The following RPS6KC1 variants were observed in gnomAD, a reference collection of about 807,000 sequenced individuals.
The protein encoded by RPS6KC1 is ribosomal protein S6 kinase C1, also known as inactive ribosomal protein S6 kinase delta-1.
RPS6KC1 carries 54 observed loss-of-function variants against 103.8 expected under a neutral mutation model. That is an observed-to-expected ratio of 0.52 (90% CI 0.42 to 0.65). RPS6KC1 has a LOEUF of 0.65. Among genes scored for constraint, RPS6KC1 ranks in the 30% least tolerant of loss-of-function variants. The pLI, the probability that RPS6KC1 is intolerant of heterozygous loss-of-function variation, is 0.00. For synonymous variants in RPS6KC1, 439 were observed against 438.7 expected, an observed-to-expected ratio of 1.00 and a Z score of -0.01; for missense variants, 1,151 against 1,253.8, an observed-to-expected ratio of 0.92 and a Z score of 1.24.
chr1:213,140,516 T>C (rs1430647680), intron 6 of RPS6KC1, among the ~76,000 whole-genome samples: 1 of 152,118 alleles, frequency 6.6e-6, no homozygotes, highest in African/African-American at 2.4e-5. Flanking sequence ...GCACCTTCGA[T>C]GAGTAGTTCA....
At chr1:213,368,640 G>A in the RPS6KC1 span, among the ~76,000 whole-genome samples, 1 of 152,168 alleles carries the variant, frequency 6.6e-6, no homozygotes, top group Non-Finnish European at 1.5e-5. Flanking sequence ...AAAGCAAACC[G>A]TAAGTTGACT....
At chr1:213,185,207 G>A (rs1459638523) in intron 8 of RPS6KC1, among the ~76,000 whole-genome samples, 1 of 152,116 alleles carries the variant, frequency 6.6e-6, no homozygotes, top group Non-Finnish European at 1.5e-5. Context: ...AGCTACTCCT[G>A]TGCTTTTTTG....
the RPS6KC1 span, among the ~76,000 whole-genome samples, chr1:213,766,360 C>T: frequency 3.3e-5 from 5 of 152,158 alleles, no homozygotes; most frequent in Non-Finnish European, 5.9e-5. Context: ...TGAAATTAAT[C>T]AGTAACTCTG....
At chr1:213,202,732 C>T (rs1356917794) in intron 8 of RPS6KC1, among the ~76,000 whole-genome samples, 1 of 152,172 alleles carries the variant, frequency 6.6e-6, no homozygotes, top group Non-Finnish European at 1.5e-5. Flanking sequence ...CTTATTTTAT[C>T]CTTACTAGAC....
At chr1:213,231,097 A>G (rs921527339) in intron 9 of RPS6KC1, among the ~76,000 whole-genome samples, 1 of 152,122 alleles carries the variant, frequency 6.6e-6, no homozygotes, top group Non-Finnish European at 1.5e-5. Flanking sequence ...GATACAGAGT[A>G]TGGAGGAAAT....
chr1:213,144,432 C>A (rs1034940975), intron 6 of RPS6KC1, among the ~76,000 whole-genome samples: 1 of 151,860 alleles, frequency 6.6e-6, no homozygotes, highest in Non-Finnish European at 1.5e-5. Context: ...TGAAAAAATT[C>A]ATAGAAATGG....
At chr1:213,267,459 T>C (rs1302493781) in intron 14 of RPS6KC1, among the ~76,000 whole-genome samples, 1 of 151,990 alleles carries the variant, frequency 6.6e-6, no homozygotes, top group African/African-American at 2.4e-5. Flanking sequence ...CTAGAGTTGC[T>C]AAAATATACT....
chr1:213,469,414 C>T, the RPS6KC1 span, among the ~76,000 whole-genome samples: 1 of 152,120 alleles, frequency 6.6e-6, no homozygotes, highest in Non-Finnish European at 1.5e-5. Context: ...ATATGCCTAT[C>T]CATCCTTTTC....
the RPS6KC1 span, among the ~76,000 whole-genome samples, chr1:213,633,133 A>T: frequency 0.14 from 21,376 of 152,180 alleles, 2,358 homozygotes; most frequent in African/African-American, 0.31. Flanking sequence ...TTGAGGATAT[A>T]ATCCAGAAGA....
At position 213,166,016 on chromosome 1, in the gene RPS6KC1, A is replaced by G. The variant is rs145238583; in HGVS notation, c.836-1842A>G. On this transcript the variant is annotated intron_variant, in intron 6 of 14. Transcript: ENST00000366960. ...GGAGACTGCCTAGAAAGTGGCAGAA[A>G]AACCAAAAGTTTAAAAAATAGTAAT... Among the ~76,000 whole-genome samples the G allele has an allele frequency of 1.4e-4, 22 of 152,356 alleles. No homozygotes were observed. In the East Asian group the frequency reaches 4.2e-3, roughly 29 times the overall value.
intron 10 of RPS6KC1, among the ~76,000 whole-genome samples, chr1:213,240,159 A>G (rs748253232): frequency 1.3e-5 from 2 of 152,166 alleles, no homozygotes; most frequent in Admixed American, 6.5e-5. Flanking sequence ...GGGAAATATT[A>G]ATATGTCATT....
chr1:213,270,087 G>C (rs7354948), intron 14 of RPS6KC1, among the ~76,000 whole-genome samples: 147,360 of 152,170 alleles, frequency 0.97, 71,463 homozygotes, highest in Non-Finnish European at 1. Context: ...AGGCAAAGGA[G>C]CTATAATGTC....
At chr1:213,528,488 G>A in the RPS6KC1 span, among the ~76,000 whole-genome samples, 3 of 152,118 alleles carry the variant, frequency 2.0e-5, no homozygotes, top group African/African-American at 4.8e-5. Context: ...TATCAGCTGT[G>A]TTGTTCAAAG....
At chr1:213,856,930 T>A in the RPS6KC1 span, among the ~76,000 whole-genome samples, 17 of 152,220 alleles carry the variant, frequency 1.1e-4, no homozygotes, top group African/African-American at 4.1e-4. Context: ...CAACATAAGC[T>A]AGCTCATGAA....
At chr1:213,221,608 G>A (rs928119967) in intron 8 of RPS6KC1, among the ~76,000 whole-genome samples, 2 of 152,136 alleles carry the variant, frequency 1.3e-5, no homozygotes, top group African/African-American at 2.4e-5. Context: ...TTAAAAATTA[G>A]CATACTAAAA....
chr1:213,507,549 A>ATTTT, the RPS6KC1 span, among the ~76,000 whole-genome samples: 494 of 142,798 alleles, frequency 3.5e-3, 1 homozygote, highest in African/African-American at 0.012. Context: ...CAACCCTCTC[A>ATTTT]TTTTTTTTTT....
chr1:213,599,090 A>G, the RPS6KC1 span, among the ~76,000 whole-genome samples: 1 of 152,144 alleles, frequency 6.6e-6, no homozygotes, highest in Non-Finnish European at 1.5e-5. Flanking sequence ...CGCAATCAAA[A>G]TGTATAGTGT....
At chr1:213,126,962 G>C (rs921297540) in intron 5 of RPS6KC1, among the ~76,000 whole-genome samples, 1 of 152,100 alleles carries the variant, frequency 6.6e-6, no homozygotes, top group Non-Finnish European at 1.5e-5. Flanking sequence ...TTTTGATTTA[G>C]TATATAATCC....
At chr1:213,173,931 TGAAA>T (rs144669505) in intron 7 of RPS6KC1, among the ~76,000 whole-genome samples, 2,893 of 152,314 alleles carry the variant, frequency 0.019, 95 homozygotes, top group African/African-American at 0.064. Context: ...CTTTGGAAAC[TGAAA>T]GAAACAGTGA....
Sources: gnomAD v4.1 joint callset for allele counts (sites outside exome capture counted in the v4.1 genomes callset) on GRCh38, gnomAD v4.1.1 for gene constraint, MANE v1.5 for transcripts, NCBI Gene and HGNC (gene_info 2026-07-23, HGNC 2026-07-21) for gene names.